The following CALN1 variants were observed in gnomAD, a reference collection of about 807,000 sequenced individuals.
CALN1 encodes calneuron 1, also known as calcium-binding protein 8.
A neutral mutation model predicts 30.6 loss-of-function variants in CALN1; 17 were observed. The ratio of observed to expected loss-of-function variants is 0.56; its 90% CI spans 0.38 to 0.83. The LOEUF is 0.83. Among genes scored for constraint, CALN1 ranks in the 40% least tolerant of loss-of-function variants. CALN1 has a pLI of 0.00. For synonymous variants in CALN1, 156 were observed against 131.4 expected (o/e 1.19, Z -1.28); for missense variants, 291 against 354.9 (o/e 0.82, Z 1.45).
At chr7:72,327,701 G>A (rs1305754012) in intron 2 of CALN1, among the ~76,000 whole-genome samples, 1 of 151,978 alleles carries the variant, frequency 6.6e-6, no homozygotes, top group Admixed American at 6.6e-5. Flanking sequence ...ATGATGTTTG[G>A]GAAAGCAATA....
chr7:72,363,711 T>C (rs929914151), intron 2 of CALN1, among the ~76,000 whole-genome samples: 2 of 145,202 alleles, frequency 1.4e-5, no homozygotes, highest in African/African-American at 5.1e-5. Flanking sequence ...TTGCAACATA[T>C]GGTTAAAAAA....
chr7:71,790,381 AAAG>A (rs879930574), intron 6 of CALN1, among the ~76,000 whole-genome samples: 16,803 of 95,776 alleles, frequency 0.18, 1,449 homozygotes, highest in Non-Finnish European at 0.23. Context: ...AGAAAGAAAG[AAAG>A]AAAGAAAGAA....
chr7:72,403,321 T>C lies in CALN1; in HGVS notation c.49A>G (p.Lys17Glu), dbSNP rs1477788510. Residue 17 changes from lysine to glutamate, a missense_variant, in exon 2 of 7, where the codon AAG (lysine) becomes GAG (glutamate). Lys to Glu is a moderately conservative substitution (Grantham distance 56). This residue lies in a region of CALN1 where 122 missense variants were observed against 103.2 expected (regional missense o/e 1.18). Coordinates refer to ENST00000395275, the MANE Select transcript of CALN1 (RefSeq NM_031468.4). ...CCTCCGAGGGCTCCTCCGTCCCCCTTTTTCTCATTCTCGGGCTTCCCCTCT... is the reference window on the plus strand; with the variant it reads ...CCTCCGAGGGCTCCTCCGTCCCCCTCTTTCTCATTCTCGGGCTTCCCCTCT... ...PGEGKPENEKKGDGGALGGGE... is the reference protein window; with the variant it reads ...PGEGKPENEKEGDGGALGGGE... 1.3e-6 allele frequency: 2 copies of C among 1,549,852 alleles called. No individual in the cohort carries two copies. Among genetic ancestry groups the C allele is most frequent in the Admixed American group, 3.9e-5 (2 of 51,012 alleles).
the CALN1 span, among the ~76,000 whole-genome samples, chr7:72,466,837 G>C: frequency 7.9e-6 from 1 of 126,094 alleles, no homozygotes; most frequent in Non-Finnish European, 1.7e-5. Flanking sequence ...GAAAGAGAGA[G>C]AAAGAAAAGA....
chr7:72,235,686 C>G (rs1412440196), intron 3 of CALN1, among the ~76,000 whole-genome samples: 1 of 149,802 alleles, frequency 6.7e-6, no homozygotes, highest in Non-Finnish European at 1.5e-5. Context: ...CCCCGCCCCC[C>G]TAACCTTGGA....
chr7:71,793,373 T>C (rs1020053145), intron 6 of CALN1, among the ~76,000 whole-genome samples: 10 of 152,166 alleles, frequency 6.6e-5, no homozygotes, highest in African/African-American at 1.4e-4. Flanking sequence ...AGCTCTGAAA[T>C]AGACCTTAGT....
At chr7:72,159,489 G>C (rs1409406237) in intron 3 of CALN1, among the ~76,000 whole-genome samples, 1 of 151,960 alleles carries the variant, frequency 6.6e-6, no homozygotes, top group Non-Finnish European at 1.5e-5. Flanking sequence ...AACAGAGCGA[G>C]ACCCTGTCTC....
At chr7:72,120,590 CTT>C (rs968627958) in intron 3 of CALN1, among the ~76,000 whole-genome samples, 1 of 152,186 alleles carries the variant, frequency 6.6e-6, no homozygotes, top group Non-Finnish European at 1.5e-5. Flanking sequence ...GGCAGAAACA[CTT>C]TTCAGTCACT....
intron 5 of CALN1, among the ~76,000 whole-genome samples, chr7:71,895,417 T>C (rs1353292112): frequency 2.0e-5 from 3 of 152,188 alleles, no homozygotes; most frequent in Non-Finnish European, 4.4e-5. Flanking sequence ...TTTGATTTCA[T>C]AGAATTGTCT....
intron 3 of CALN1, among the ~76,000 whole-genome samples, chr7:72,231,654 G>A (rs113300266): frequency 6.6e-6 from 1 of 152,240 alleles, no homozygotes; most frequent in African/African-American, 2.4e-5. Flanking sequence ...GTCTCTCACT[G>A]TGCCTAATTT....
chr7:72,221,852 G>A (rs1388507487), intron 3 of CALN1, among the ~76,000 whole-genome samples: 1 of 151,754 alleles, frequency 6.6e-6, no homozygotes, highest in Admixed American at 6.6e-5. Context: ...TCGTGCCACT[G>A]CACTCCAGCC....
Position 71,958,425 on chromosome 7 carries a change from C to G in CALN1, c.501+65232G>C, listed in dbSNP as rs373301686. Among the ~76,000 whole-genome samples, 119 of 152,290 alleles carry G rather than the reference C, an allele frequency of 7.8e-4. 1 individual carries two copies. Among genetic ancestry groups the G allele is most frequent in the African/African-American group, 2.7e-3 (111 of 41,574 alleles). On this transcript the variant is annotated intron_variant, in intron 5 of 6. Transcript: ENST00000395275. ...TGTCTTCATTGTAAGACACAACAGA[C>G]AACTCAGGGAGGCCCCTTTGTGTAG...
intron 5 of CALN1, among the ~76,000 whole-genome samples, chr7:71,854,115 G>T (rs1790802580): frequency 6.6e-6 from 1 of 152,038 alleles, no homozygotes; most frequent in South Asian, 2.1e-4. Context: ...CTTAAATTTG[G>T]ATCCTTGATA....
At chr7:72,157,965 G>C (rs1033416627) in intron 3 of CALN1, among the ~76,000 whole-genome samples, 1 of 152,132 alleles carries the variant, frequency 6.6e-6, no homozygotes, top group African/African-American at 2.4e-5. Flanking sequence ...GGCTGGTCTT[G>C]AACTCCTGAC....
rs34730294 is a variant in CALN1 at position 72,054,518 on chromosome 7, TAC to T, written c.389-30751_389-30750del. 7.5e-4 allele frequency among the ~76,000 whole-genome samples: 93 copies of T among 123,286 alleles called. 8 individuals are homozygous for T. Among genetic ancestry groups the T allele is most frequent in the African/African-American group, 3.2e-3 (89 of 28,232 alleles). 80.9% of individuals were successfully genotyped at this position (123,286 alleles called of 152,430 possible). A position where few individuals can be genotyped will look rare whatever the true frequency, so the allele number is the denominator to read the frequency against. On this transcript the variant is annotated intron_variant, in intron 4 of 6. Coordinates refer to ENST00000395275, the MANE Select transcript of CALN1 (RefSeq NM_031468.4). ...ATATATACATATATATACATATATA[TAC>T]ATATATACATACATATATATATACA... is the stretch of plus-strand genomic sequence containing the variant.
At chr7:71,799,301 C>T (rs1475873932) in intron 6 of CALN1, among the ~76,000 whole-genome samples, 1 of 152,132 alleles carries the variant, frequency 6.6e-6, no homozygotes, top group African/African-American at 2.4e-5. Flanking sequence ...ACCCAAGTGC[C>T]TCACTCAAGT....
At chr7:71,790,325 A>G (rs889863161) in intron 6 of CALN1, among the ~76,000 whole-genome samples, 2 of 144,304 alleles carry the variant, frequency 1.4e-5, no homozygotes, top group Non-Finnish European at 3.0e-5. Context: ...AAAGAAAGAA[A>G]GAAGGAAAGA....
chr7:72,111,031 G>A (rs781461582), intron 3 of CALN1, among the ~76,000 whole-genome samples: 6 of 152,146 alleles, frequency 3.9e-5, no homozygotes, highest in Non-Finnish European at 8.8e-5. Flanking sequence ...GCTTTTCACC[G>A]AAACGTACTC....
At chr7:72,202,991 GA>G (rs1791548151) in intron 3 of CALN1, among the ~76,000 whole-genome samples, 1 of 152,160 alleles carries the variant, frequency 6.6e-6, no homozygotes, top group Non-Finnish European at 1.5e-5. Flanking sequence ...ATACACCATG[GA>G]ATACTATGCA....
Sources: allele counts gnomAD v4.1 joint callset (sites outside exome capture counted in the v4.1 genomes callset), GRCh38; gene constraint gnomAD v4.1.1; regional missense constraint gnomAD v4.1.1; transcripts MANE v1.5; gene names NCBI Gene and HGNC (gene_info 2026-07-23, HGNC 2026-07-21).